OLFML2A: variants seen among roughly 807,000 people sequenced by gnomAD.
OLFML2A encodes olfactomedin like 2A.
In OLFML2A, 47 loss-of-function variants were observed where a neutral mutation model predicts 60.9. The ratio of observed to expected loss-of-function variants is 0.77; its 90% confidence interval spans 0.61 to 0.98. The LOEUF (loss-of-function observed/expected upper bound fraction) is 0.98, where lower values mean the gene tolerates loss of function less well. OLFML2A is among the 50% of genes least tolerant of loss of function. The pLI, the probability that OLFML2A is intolerant of heterozygous loss-of-function variation, is 0.00. For missense variants in OLFML2A, 922 were observed against 879.8 expected (o/e 1.05, Z -0.61); for synonymous variants, 372 against 375.0 (o/e 0.99, Z 0.09).
At chr9:124,787,571 A>ATTTTATTTTATTTTATT (rs1375013953) in intron 2 of OLFML2A, among the ~76,000 whole-genome samples, 1 of 44,186 alleles carries the variant, frequency 2.3e-5, no homozygotes, top group African/African-American at 1.0e-4. Flanking sequence ...TATTTTATTT[A>ATTTTATTTTATTTTATT]TTTCTTGAAA....
intron 6 of OLFML2A, among the ~76,000 whole-genome samples, chr9:124,805,626 G>C (rs1841877681): frequency 6.6e-6 from 1 of 152,068 alleles, no homozygotes; most frequent in Non-Finnish European, 1.5e-5. Context: ...AGAATGGTGG[G>C]AGGGGGTAAA....
chr9:124,792,251 C>T lies in OLFML2A; in HGVS notation c.355-2773C>T, dbSNP rs116734806. Reference sequence around the variant, plus strand: ...ATCTAGGCACATGTGTGTTACTACCCGTGTCCCTGATCTAGGCTCCAGTGT... The same window carrying T: ...ATCTAGGCACATGTGTGTTACTACCTGTGTCCCTGATCTAGGCTCCAGTGT... On this transcript the variant is annotated intron_variant, in intron 2 of 7. Transcript: ENST00000373580. Among the ~76,000 whole-genome samples, 171 of 152,068 alleles carry T rather than the reference C, an allele frequency of 1.1e-3. 1 individual carries two copies. The highest frequency in any genetic ancestry group is 3.8e-3 in the African/African-American group (159 of 41,480).
intron 7 of OLFML2A, among the ~76,000 whole-genome samples, chr9:124,808,724 A>G (rs538621020): frequency 2.0e-5 from 3 of 152,156 alleles, no homozygotes; most frequent in African/African-American, 7.2e-5. Context: ...AAGGCTGAGT[A>G]CATGCAGAGG....
chr9:124,798,430 G>A (rs554671123), intron 3 of OLFML2A, among the ~76,000 whole-genome samples: 1 of 152,246 alleles, frequency 6.6e-6, no homozygotes, highest in South Asian at 2.1e-4. Context: ...GAGCCCGGGA[G>A]GAAGAGGTTG....
chr9:124,785,268 A>G (rs1013674642), intron 1 of OLFML2A, among the ~76,000 whole-genome samples: 5 of 147,376 alleles, frequency 3.4e-5, no homozygotes, highest in African/African-American at 1.3e-4. Context: ...ATTCCTTTTT[A>G]TGGCTGAATA....
intron 2 of OLFML2A, 109 bp from the exon 3 acceptor site, chr9:124,794,915 C>T: frequency 3.1e-6 from 2 of 650,848 alleles, no homozygotes; most frequent in Non-Finnish European, 5.5e-6. Context: ...AGCCACAGCG[C>T]CTGGCCCAGG....
intron 7 of OLFML2A, among the ~76,000 whole-genome samples, chr9:124,808,689 G>A (rs1157718870): frequency 6.6e-6 from 1 of 152,110 alleles, no homozygotes; most frequent in Non-Finnish European, 1.5e-5. Context: ...CATGCGGAAG[G>A]GAGAGGGAAG....
intron 2 of OLFML2A, among the ~76,000 whole-genome samples, chr9:124,792,820 C>T (rs1218618367): frequency 3.3e-5 from 5 of 152,178 alleles, no homozygotes; most frequent in East Asian, 1.9e-4. Flanking sequence ...CTCCTTACTA[C>T]GGCCCTATTG....
intron 1 of OLFML2A, among the ~76,000 whole-genome samples, chr9:124,780,603 A>G (rs1432418898): frequency 6.6e-6 from 1 of 152,240 alleles, no homozygotes; most frequent in Non-Finnish European, 1.5e-5. Context: ...CGAGGGCCAC[A>G]TAGTGATGGA....
intron 1 of OLFML2A, among the ~76,000 whole-genome samples, chr9:124,781,556 G>A (rs1284160055): frequency 6.6e-6 from 1 of 152,154 alleles, no homozygotes; most frequent in Non-Finnish European, 1.5e-5. Flanking sequence ...CACTTTGGGA[G>A]CCCAAGGTGG....
In OLFML2A at chr9:124,811,682, G is replaced by C. The variant is rs1324203186; in HGVS notation, c.*1270G>C. On this transcript the variant is annotated 3_prime_UTR_variant, in exon 8 of 8. Transcript: ENST00000373580. ...CTTTTCCTGGCTCGACCCAGGACTTGGGTTGAGGATGCACGGGGGCCACCT... is the reference window on the plus strand; with the variant it reads ...CTTTTCCTGGCTCGACCCAGGACTTCGGTTGAGGATGCACGGGGGCCACCT... 6.6e-6 allele frequency: 1 copy of C among 152,270 alleles called. No homozygotes were observed. The highest frequency in any genetic ancestry group is 1.9e-4 in the East Asian group (1 of 5,196). 9.4% of individuals were successfully genotyped at this position (152,270 alleles called of 1,614,324 possible). A position where few individuals can be genotyped will look rare whatever the true frequency, so the allele number is the denominator to read the frequency against.
At chr9:124,790,593 G>A (rs1841551529) in intron 2 of OLFML2A, among the ~76,000 whole-genome samples, 1 of 152,130 alleles carries the variant, frequency 6.6e-6, no homozygotes, top group Admixed American at 6.5e-5. Context: ...CAGGACTCTG[G>A]GTCAGCAGAA....
intron 2 of OLFML2A, 110 bp from the exon 3 acceptor site, chr9:124,794,914 G>A (rs574235992): frequency 4.7e-6 from 3 of 639,696 alleles, no homozygotes; most frequent in South Asian, 2.0e-5. Flanking sequence ...GAGCCACAGC[G>A]CCTGGCCCAG....
In OLFML2A at chr9:124,807,789, G is replaced by A. The variant is rs373942886; in HGVS notation, c.1177G>A (p.Ala393Thr). The A allele has an allele frequency of 2.1e-5, 34 of 1,610,992 alleles. No individual in the cohort carries two copies. Among genetic ancestry groups the A allele is most frequent in the Non-Finnish European group, 2.9e-5 (34 of 1,179,138 alleles). The stretch of plus-strand genomic sequence containing the variant: ...TGCCCTCCTCCCCACAGGCAGAGAG[G>A]CGAGCTGTGAGGGCACCCTCCGGGC... ...GPEVSSQGRE[A>T]SCEGTLRAVD... The change falls in exon 7 of 8, where the codon GCG becomes ACG. Residue 393 changes from alanine to threonine, a missense_variant. Ala to Thr is a moderately conservative substitution (Grantham distance 58). Coordinates refer to ENST00000373580, the MANE Select transcript of OLFML2A (RefSeq NM_182487.4).
Position 124,814,068 on chromosome 9 carries a change from T to C in OLFML2A, c.*3656T>C, listed in dbSNP as rs947174469. On this transcript the variant is annotated 3_prime_UTR_variant, in exon 8 of 8. Transcript: ENST00000373580. ...CTTTGGCTACCTCTTGCGTTCCCCC[T>C]AGAGATGTCCAGGCCTTACATTTAA... is the stretch of plus-strand genomic sequence containing the variant. 2.0e-5 allele frequency: 3 copies of C among 152,226 alleles called. No homozygotes were observed. Among genetic ancestry groups the C allele is most frequent in the African/African-American group, 7.2e-5 (3 of 41,446 alleles). The allele number at this position is 152,226 out of a possible 1,614,324, so 9.4% of individuals were successfully genotyped here. A position where few individuals can be genotyped will look rare whatever the true frequency, so the allele number is the denominator to read the frequency against.
chr9:124,796,864 A>G (rs955855252), intron 3 of OLFML2A, among the ~76,000 whole-genome samples: 1 of 152,248 alleles, frequency 6.6e-6, no homozygotes, highest in African/African-American at 2.4e-5. Flanking sequence ...GTTAGAGGCC[A>G]GAGATTTGGC....
At chr9:124,809,319 C>T (rs1260473516) in intron 7 of OLFML2A, among the ~76,000 whole-genome samples, 4 of 152,140 alleles carry the variant, frequency 2.6e-5, no homozygotes, top group Admixed American at 6.5e-5. Context: ...CTGCTACAGA[C>T]GTGTCCTGGG....
chr9:124,806,379 A>G lies in OLFML2A; in HGVS notation c.1169-1402A>G, dbSNP rs578111953. ...CTAAATCAAGCTAATTAGCATATATATTACCTCACATTATGTATCTTTTTT... is the reference window on the plus strand; with the variant it reads ...CTAAATCAAGCTAATTAGCATATATGTTACCTCACATTATGTATCTTTTTT... On this transcript the variant is annotated intron_variant, in intron 6 of 7. Coordinates refer to ENST00000373580, the MANE Select transcript of OLFML2A (RefSeq NM_182487.4). Among the ~76,000 whole-genome samples the G allele has an allele frequency of 8.3e-5, 9 of 108,836 alleles. No homozygotes were observed. The East Asian group carries it at 1.9e-3, about 23-fold the overall frequency. The allele number at this position is 108,836 out of a possible 152,430, so 71.4% of individuals were successfully genotyped here.
chr9:124,778,219 G>A (rs1006257662), intron 1 of OLFML2A, among the ~76,000 whole-genome samples: 1 of 152,068 alleles, frequency 6.6e-6, no homozygotes, highest in Non-Finnish European at 1.5e-5. Flanking sequence ...AAAGTAGCCA[G>A]GCATGGTGGT....
Sources: gnomAD v4.1 joint callset for allele counts (sites outside exome capture counted in the v4.1 genomes callset) on GRCh38, gnomAD v4.1.1 for gene constraint, MANE v1.5 for transcripts, NCBI Gene and HGNC (gene_info 2026-07-23, HGNC 2026-07-21) for gene names.